The following TRIM55 variants were observed in gnomAD, a reference collection of about 807,000 sequenced individuals.
TRIM55 encodes tripartite motif-containing protein 55.
Under a neutral mutation model 60.9 loss-of-function variants are expected in TRIM55, and 50 were observed. The observed-to-expected ratio is 0.82, with a 90% confidence interval of 0.65 to 1.04. The LOEUF is 1.04. Ranked by LOEUF, TRIM55 falls within the 50% of genes least tolerant of loss-of-function variation. The pLI is 0.00. For missense variants in TRIM55, 681 were observed against 666.9 expected (o/e 1.02, Z -0.23); for synonymous variants, 237 against 238.1 (o/e 1.00, Z 0.04).
chr8:66,120,374 G>A, the TRIM55 span, among the ~76,000 whole-genome samples: 1 of 152,116 alleles, frequency 6.6e-6, no homozygotes, highest in Admixed American at 6.5e-5. Flanking sequence ...TTCATCGTGG[G>A]CCCTGCTAGT....
rs755461198 is a variant in TRIM55 at position 66,135,201 on chromosome 8, C to T, written c.507+46C>T. On this transcript the variant is annotated intron_variant, in intron 3 of 9. Transcript: ENST00000315962. ...CTCCCGCAACCCCTCCCCATCCCCA[C>T]ACCTTAGGGCCTTCCTGGGGCCAGT... The T allele has an allele frequency of 3.7e-6, 6 of 1,602,494 alleles. No homozygotes were observed. The South Asian group carries it at 4.4e-5, about 12-fold the overall frequency.
intron 4 of TRIM55, among the ~76,000 whole-genome samples, chr8:66,142,567 T>C (rs1425235672): frequency 6.6e-6 from 1 of 152,186 alleles, no homozygotes; most frequent in Non-Finnish European, 1.5e-5. Context: ...CTCAAGAAGA[T>C]TCTAAATGAT....
chr8:66,146,703 G>T (rs966249611), intron 4 of TRIM55, among the ~76,000 whole-genome samples: 3 of 152,198 alleles, frequency 2.0e-5, no homozygotes, highest in Non-Finnish European at 4.4e-5. Flanking sequence ...TTGCCTGAAG[G>T]TTGGAACAAA....
chr8:66,123,400 G>A (rs1808703616), upstream of TRIM55, among the ~76,000 whole-genome samples: 1 of 152,158 alleles, frequency 6.6e-6, no homozygotes, highest in Non-Finnish European at 1.5e-5. Flanking sequence ...ATTTGGCTCA[G>A]AGTAAATCTT....
At chr8:66,125,930 A>G (rs1470758818), upstream of TRIM55, among the ~76,000 whole-genome samples, 2 of 152,242 alleles carry the variant, frequency 1.3e-5, no homozygotes, top group African/African-American at 4.8e-5. Context: ...TATCACATAT[A>G]AACAGACTTG....
upstream of TRIM55, among the ~76,000 whole-genome samples, chr8:66,125,308 C>A (rs1428777192): frequency 6.6e-6 from 1 of 152,188 alleles, no homozygotes; most frequent in Non-Finnish European, 1.5e-5. Context: ...GTGTGCATGT[C>A]TCATCTCCAC....
the TRIM55 span, among the ~76,000 whole-genome samples, chr8:66,117,962 C>T: frequency 4.6e-5 from 7 of 151,330 alleles, no homozygotes; most frequent in Non-Finnish European, 7.4e-5. Flanking sequence ...ATCAGGAGAT[C>T]GAGCCCATCC....
At chr8:66,132,042 A>T (rs1404103991) in intron 2 of TRIM55, among the ~76,000 whole-genome samples, 1 of 152,244 alleles carries the variant, frequency 6.6e-6, no homozygotes, top group Non-Finnish European at 1.5e-5. Context: ...ACATTTAATT[A>T]GAAGACCCTT....
chr8:66,116,457 A>G, the TRIM55 span, among the ~76,000 whole-genome samples: 366 of 152,030 alleles, frequency 2.4e-3, no homozygotes, highest in African/African-American at 8.4e-3. Flanking sequence ...AAATACAAAA[A>G]GTAGCTGCGT....
chr8:66,114,090 C>CCCCCCCCT, the TRIM55 span, among the ~76,000 whole-genome samples: 1 of 137,032 alleles, frequency 7.3e-6, no homozygotes, highest in African/African-American at 2.7e-5. Flanking sequence ...ACACCCCCCC[C>CCCCCCCCT]CCCATTATTT....
upstream of TRIM55, among the ~76,000 whole-genome samples, chr8:66,122,648 C>T (rs1045249603): frequency 1.3e-5 from 2 of 152,142 alleles, no homozygotes; most frequent in Admixed American, 6.5e-5. Context: ...CTGATGGATG[C>T]CCCTTCTCGG....
chr8:66,123,323 G>A (rs942352494), upstream of TRIM55, among the ~76,000 whole-genome samples: 2 of 152,158 alleles, frequency 1.3e-5, no homozygotes, highest in Non-Finnish European at 2.9e-5. Context: ...AAACTACACT[G>A]TAGCCTGACC....
At chr8:66,127,988 C>G (rs1463866831) in intron 1 of TRIM55, among the ~76,000 whole-genome samples, 2 of 151,992 alleles carry the variant, frequency 1.3e-5, no homozygotes, top group Non-Finnish European at 2.9e-5. Context: ...TTAAGTCAAA[C>G]CATTTAATGT....
At chr8:66,119,541 A>G in the TRIM55 span, among the ~76,000 whole-genome samples, 7 of 152,358 alleles carry the variant, frequency 4.6e-5, no homozygotes, top group African/African-American at 1.7e-4. Context: ...TGGAATCTTC[A>G]GGATTCTTTG....
chr8:66,174,216 A>G (rs975113936), intron 9 of TRIM55, among the ~76,000 whole-genome samples: 3 of 151,284 alleles, frequency 2.0e-5, no homozygotes, highest in Non-Finnish European at 1.5e-5. Flanking sequence ...TTTCCCAAGA[A>G]CTTCTCTCCA....
At chr8:66,119,566 C>T in the TRIM55 span, among the ~76,000 whole-genome samples, 3 of 152,214 alleles carry the variant, frequency 2.0e-5, no homozygotes, top group Non-Finnish European at 4.4e-5. Context: ...TTTCTAATGT[C>T]TCCCGTTCTC....
At chr8:66,169,915 AAAG>A (rs1811527600) in intron 9 of TRIM55, among the ~76,000 whole-genome samples, 1 of 152,204 alleles carries the variant, frequency 6.6e-6, no homozygotes, top group African/African-American at 2.4e-5. Flanking sequence ...TTATTCTAGT[AAAG>A]AATGCAGAAT....
At chr8:66,166,736 G>T (rs1811348397) in intron 9 of TRIM55, among the ~76,000 whole-genome samples, 1 of 152,188 alleles carries the variant, frequency 6.6e-6, no homozygotes, top group East Asian at 1.9e-4. Context: ...GGCATGACTT[G>T]CTTAGGATCA....
chr8:66,161,138 A>T (rs1039525320), intron 9 of TRIM55, among the ~76,000 whole-genome samples: 1 of 151,986 alleles, frequency 6.6e-6, no homozygotes, highest in Non-Finnish European at 1.5e-5. Flanking sequence ...ATTGTCTAGA[A>T]TTTTTATAGT....
Sources: allele counts gnomAD v4.1 joint callset (sites outside exome capture counted in the v4.1 genomes callset), GRCh38; gene constraint gnomAD v4.1.1; transcripts MANE v1.5; gene names NCBI Gene and HGNC (gene_info 2026-07-23, HGNC 2026-07-21).